The following RAP1GAP2 variants were observed in gnomAD, a reference collection of about 807,000 sequenced individuals.
RAP1GAP2 encodes the protein RAP1 GTPase activating protein 2.
A neutral mutation model predicts 95.0 loss-of-function variants in RAP1GAP2; 27 were observed. The observed-to-expected ratio is 0.28, with a 90% confidence interval of 0.21 to 0.39. The LOEUF is 0.39. Among genes scored for constraint, RAP1GAP2 ranks in the 10% least tolerant of loss-of-function variants. RAP1GAP2 has a pLI of 1.00. For synonymous variants in RAP1GAP2, 373 were observed against 380.9 expected (o/e 0.98, Z 0.24); for missense variants, 771 against 970.0 (o/e 0.79, Z 2.72).
chr17:2,882,275 C>T (rs997288009), intron 2 of RAP1GAP2, among the ~76,000 whole-genome samples: 2 of 150,912 alleles, frequency 1.3e-5, no homozygotes, highest in African/African-American at 2.4e-5. Flanking sequence ...TACAGGTGTG[C>T]ACCACCACGC....
At chr17:2,910,890 G>A (rs1177516242) in intron 3 of RAP1GAP2, among the ~76,000 whole-genome samples, 1 of 152,136 alleles carries the variant, frequency 6.6e-6, no homozygotes, top group African/African-American at 2.4e-5. Context: ...GTAGAGATGG[G>A]GTTTCCCCCT....
At chr17:3,016,588 G>A (rs1301140973) in intron 17 of RAP1GAP2, among the ~76,000 whole-genome samples, 1 of 152,340 alleles carries the variant, frequency 6.6e-6, no homozygotes, top group African/African-American at 2.4e-5. Flanking sequence ...AGAGGCAGAG[G>A]CCATGTCCTA....
chr17:2,929,139 G>A lies in RAP1GAP2; in HGVS notation c.165+23771G>A, dbSNP rs540378469. 2.6e-5 allele frequency among the ~76,000 whole-genome samples: 4 copies of A among 152,314 alleles called. No individual in the cohort carries two copies. In the South Asian group the frequency reaches 6.2e-4, roughly 24 times the overall value. ...TCCCAACTACTTGGGAGGCTGAGGCGGGAGGATCCCTGGAGCCCAGGCATT... is the reference window on the plus strand; with the variant it reads ...TCCCAACTACTTGGGAGGCTGAGGCAGGAGGATCCCTGGAGCCCAGGCATT... On this transcript the variant is annotated intron_variant, in intron 3 of 24. Coordinates refer to ENST00000254695, the MANE Select transcript of RAP1GAP2 (RefSeq NM_015085.5).
At chr17:2,926,733 G>A (rs894449071) in intron 3 of RAP1GAP2, among the ~76,000 whole-genome samples, 3 of 151,878 alleles carry the variant, frequency 2.0e-5, no homozygotes, top group Admixed American at 6.6e-5. Flanking sequence ...GGCTGGGCGC[G>A]ATGGCTCACA....
rs140844270 is a variant in RAP1GAP2, at chr17:2,922,236, C to G, written c.165+16868C>G. Among the ~76,000 whole-genome samples, 9 of 152,276 alleles carry G rather than the reference C, an allele frequency of 5.9e-5. No homozygotes were observed. The East Asian group carries it at 1.7e-3, about 29-fold the overall frequency. The stretch of plus-strand genomic sequence containing the variant: ...AAGGCGGAAGGACAGAAGGGATTCG[C>G]TAGTCCCTCAGGCCTTCTATGAGGA... On this transcript the variant is annotated intron_variant, in intron 3 of 24. Transcript: ENST00000254695.
intron 3 of RAP1GAP2, among the ~76,000 whole-genome samples, chr17:2,957,027 C>T (rs1168381093): frequency 4.9e-4 from 74 of 151,420 alleles, no homozygotes; most frequent in Admixed American, 4.9e-3. Context: ...ACTCGGGAGG[C>T]TGAGGCAGGA....
In RAP1GAP2 at chr17:2,921,908, G is replaced by A. The variant is rs563948878; in HGVS notation, c.165+16540G>A. On this transcript the variant is annotated intron_variant, in intron 3 of 24. Transcript: ENST00000254695. ...ATGTCTCCCTCCTCTTCTCCCTGGG[G>A]GTCTCTCCTCTGTGTGTCTCTTTTA... 4.6e-3 allele frequency among the ~76,000 whole-genome samples: 694 copies of A among 152,276 alleles called. 8 individuals carry two copies. Among genetic ancestry groups the A allele is most frequent in the African/African-American group, 0.015 (636 of 41,542 alleles).
At chr17:2,853,939 G>C in intron 2 of RAP1GAP2, 1 of 982,468 alleles carries the variant, frequency 1.0e-6, no homozygotes, top group African/African-American at 1.8e-5. Context: ...GGAGCGCGCG[G>C]AGCCGGGGCT....
At chr17:2,838,601 C>T (rs1280360248) in intron 2 of RAP1GAP2, among the ~76,000 whole-genome samples, 2 of 152,064 alleles carry the variant, frequency 1.3e-5, no homozygotes, top group South Asian at 2.1e-4. Flanking sequence ...TGTCCCACTG[C>T]GGGAACCCTT....
At chr17:2,774,078 CA>C (rs1198424080), upstream of RAP1GAP2, among the ~76,000 whole-genome samples, 2 of 152,092 alleles carry the variant, frequency 1.3e-5, no homozygotes, top group East Asian at 3.9e-4. Context: ...CACAATTTAA[CA>C]GGGGTAAAGG....
At chr17:3,032,731 C>CGCCCAA (rs751492736) in intron 24 of RAP1GAP2, among the ~76,000 whole-genome samples, 5 of 146,162 alleles carry the variant, frequency 3.4e-5, no homozygotes, top group African/African-American at 2.4e-5. Context: ...GAAGGGGAGT[C>CGCCCAA]GCCCAAGCCC....
intron 2 of RAP1GAP2, among the ~76,000 whole-genome samples, chr17:2,889,201 C>T (rs901256949): frequency 5.3e-5 from 8 of 152,146 alleles, no homozygotes; most frequent in Non-Finnish European, 7.3e-5. Flanking sequence ...TCCCACCAAT[C>T]GTGTCTCAGG....
chr17:2,972,547 G>A (rs915985070), intron 8 of RAP1GAP2, among the ~76,000 whole-genome samples: 4 of 138,190 alleles, frequency 2.9e-5, no homozygotes, highest in East Asian at 2.1e-4. Flanking sequence ...GCAGTGAGCC[G>A]AGCTTGTGCC....
At chr17:2,914,877 C>T (rs2042518110) in intron 3 of RAP1GAP2, among the ~76,000 whole-genome samples, 1 of 145,178 alleles carries the variant, frequency 6.9e-6, no homozygotes, top group African/African-American at 2.6e-5. Context: ...CTACAACCTC[C>T]ACCTCCTGGG....
intron 2 of RAP1GAP2, among the ~76,000 whole-genome samples, chr17:2,821,845 T>A (rs189355009): frequency 6.6e-6 from 1 of 152,146 alleles, no homozygotes; most frequent in African/African-American, 2.4e-5. Flanking sequence ...AAAGTTCTAC[T>A]GTACAGCGCT....
intron 1 of RAP1GAP2, chr17:2,770,238 C>A: frequency 2.5e-6 from 1 of 397,780 alleles, no homozygotes; most frequent in South Asian, 1.3e-4. Flanking sequence ...AACAGGTACC[C>A]CTCAGCAATT....
rs557523869 is a variant in RAP1GAP2, at chr17:2,820,686, C to T, written c.80+20136C>T. Among the ~76,000 whole-genome samples, 140 of 151,444 alleles carry T rather than the reference C, an allele frequency of 9.2e-4. 1 individual carries two copies. Among genetic ancestry groups the T allele is most frequent in the Non-Finnish European group, 1.7e-3 (113 of 67,912 alleles). ...CCAATTCTATGATTCCCATTCCCCA[C>T]GTCCTCACTGATGTTTGATTTTCAT... On this transcript the variant is annotated intron_variant, in intron 2 of 24. Transcript: ENST00000254695.
At chr17:2,820,423 C>T (rs1308780950) in intron 2 of RAP1GAP2, among the ~76,000 whole-genome samples, 1 of 152,046 alleles carries the variant, frequency 6.6e-6, no homozygotes, top group South Asian at 2.1e-4. Context: ...GAGCTCGAGA[C>T]CAGCCTGGCC....
At chr17:2,766,578 C>G (rs1173365532) in intron 1 of RAP1GAP2, among the ~76,000 whole-genome samples, 2 of 151,974 alleles carry the variant, frequency 1.3e-5, no homozygotes, top group Admixed American at 6.6e-5. Flanking sequence ...CCATTGCACT[C>G]CAGCTCAGGT....
Sources: gnomAD v4.1 joint callset for allele counts (sites outside exome capture counted in the v4.1 genomes callset) on GRCh38, gnomAD v4.1.1 for gene constraint, MANE v1.5 for transcripts, NCBI Gene and HGNC (gene_info 2026-07-23, HGNC 2026-07-21) for gene names.